BAIAP2: variants seen among roughly 807,000 people sequenced by gnomAD.
BAIAP2 encodes the protein BAR/IMD domain-containing adapter protein 2.
Under a neutral mutation model 63.0 loss-of-function variants are expected in BAIAP2, and 18 were observed. The ratio of observed to expected loss-of-function variants is 0.29; its 90% CI spans 0.20 to 0.42. The LOEUF (loss-of-function observed/expected upper bound fraction) is 0.42. Among genes scored for constraint, BAIAP2 ranks in the 10% least tolerant of loss-of-function variants. The pLI is 1.00. For synonymous variants in BAIAP2, 386 were observed against 307.6 expected (o/e 1.25, Z -2.67); for missense variants, 610 against 734.3 (o/e 0.83, Z 1.96).
intron 2 of BAIAP2, among the ~76,000 whole-genome samples, chr17:81,054,521 C>A (rs1040958017): frequency 6.6e-6 from 1 of 152,156 alleles, no homozygotes. Context: ...CCTGCCTGTG[C>A]GGGCTGCTCT....
In BAIAP2 at chr17:81,102,163, G is replaced by A. The variant is rs373989496; in HGVS notation, c.643-1339G>A. Among the ~76,000 whole-genome samples, 526 of 114,498 alleles carry A rather than the reference G, an allele frequency of 4.6e-3. 8 individuals are homozygous for A. The South Asian group carries it at 0.047, about 10-fold the overall frequency. The allele number at this position is 114,498 out of a possible 152,430, so 75.1% of individuals were successfully genotyped here. ...GTGTCCCACAGACCCACTTAGAGAC[G>A]AGCCTCTGGGCTGGGGGCCAGGGTG... On this transcript the variant is annotated intron_variant, in intron 7 of 13. Transcript: ENST00000428708.
intron 3 of BAIAP2, among the ~76,000 whole-genome samples, chr17:81,065,048 C>A (rs906021532): frequency 9.2e-5 from 14 of 152,222 alleles, no homozygotes; most frequent in Admixed American, 5.2e-4. Flanking sequence ...CCGGGGCACA[C>A]CCACTGCTCT....
At chr17:81,103,016 G>A (rs1269862687) in intron 7 of BAIAP2, among the ~76,000 whole-genome samples, 6 of 152,328 alleles carry the variant, frequency 3.9e-5, no homozygotes, top group East Asian at 3.9e-4. Context: ...CCGAGGGAGC[G>A]CGGGCTCTTG....
intron 1 of BAIAP2, among the ~76,000 whole-genome samples, chr17:81,041,138 C>A (rs1459361541): frequency 6.6e-6 from 1 of 152,254 alleles, no homozygotes; most frequent in Non-Finnish European, 1.5e-5. Flanking sequence ...GGTTTGGTCA[C>A]CCCTGAGCTT....
intron 13 of BAIAP2, chr17:81,110,647 C>A: frequency 7.4e-7 from 1 of 1,351,584 alleles, no homozygotes; most frequent in Non-Finnish European, 9.6e-7. Flanking sequence ...GCACACGGTG[C>A]TGGCCCCAGT....
At chr17:81,077,160 G>A (rs1019463498) in intron 3 of BAIAP2, among the ~76,000 whole-genome samples, 2 of 152,196 alleles carry the variant, frequency 1.3e-5, no homozygotes, top group African/African-American at 4.8e-5. Flanking sequence ...CCTGGTGGGC[G>A]TGGGTTTCTC....
At chr17:81,043,894 C>T (rs2047431604) in intron 1 of BAIAP2, among the ~76,000 whole-genome samples, 1 of 152,390 alleles carries the variant, frequency 6.6e-6, no homozygotes, top group Non-Finnish European at 1.5e-5. Context: ...CGCGGGGTCT[C>T]TGTTTTCTCA....
At chr17:81,047,756 G>A (rs1446660950) in intron 1 of BAIAP2, among the ~76,000 whole-genome samples, 1 of 151,672 alleles carries the variant, frequency 6.6e-6, no homozygotes, top group African/African-American at 2.4e-5. Context: ...TAAACATGCA[G>A]CTCATGCCCA....
chr17:81,054,784 G>T (rs2049197731), intron 2 of BAIAP2, among the ~76,000 whole-genome samples: 1 of 152,144 alleles, frequency 6.6e-6, no homozygotes, highest in African/African-American at 2.4e-5. Flanking sequence ...ACCCCACCCA[G>T]GCACTCCACT....
rs1325675109 is a variant in BAIAP2 at position 81,116,935 on chromosome 17, G to C, written c.*1096G>C. Reference sequence around the variant, plus strand: ...CCAGCGGAGGGTGCAGGGAAGCCCAGCTGTGCTCAACTCTCCTGCCTCCGC... The same window carrying C: ...CCAGCGGAGGGTGCAGGGAAGCCCACCTGTGCTCAACTCTCCTGCCTCCGC... On this transcript the variant is annotated 3_prime_UTR_variant, in exon 14 of 14. Coordinates refer to ENST00000428708, the MANE Select transcript of BAIAP2 (RefSeq NM_001144888.2). 6.5e-6 allele frequency: 1 copy of C among 152,970 alleles called. No individual in the cohort carries two copies. Among genetic ancestry groups the C allele is most frequent in the Non-Finnish European group, 1.5e-5 (1 of 68,552 alleles). The allele number at this position is 152,970 out of a possible 1,614,324, so 9.5% of individuals were successfully genotyped here. A position where few individuals can be genotyped will look rare whatever the true frequency, so the allele number is the denominator to read the frequency against.
At chr17:81,082,244 C>T (rs866279460) in intron 3 of BAIAP2, among the ~76,000 whole-genome samples, 65 of 152,334 alleles carry the variant, frequency 4.3e-4, no homozygotes, top group Non-Finnish European at 6.0e-4. Flanking sequence ...CGCATAAGCA[C>T]ACCCGTGTAC....
At chr17:81,070,660 C>T (rs374281351) in intron 3 of BAIAP2, among the ~76,000 whole-genome samples, 5 of 152,132 alleles carry the variant, frequency 3.3e-5, no homozygotes, top group African/African-American at 9.7e-5. Context: ...GAGAAGGTGT[C>T]GGGTTAGCTC....
At chr17:81,055,574 G>GTTTTTTGTTTTTTTTTGTTTTTTTT (rs370775327) in intron 2 of BAIAP2, among the ~76,000 whole-genome samples, 1 of 123,404 alleles carries the variant, frequency 8.1e-6, no homozygotes, top group Non-Finnish European at 1.7e-5. Flanking sequence ...AGGGTGTTTT[G>GTTTTTTGTTTTTTTTTGTTTTTTTT]TTTTTTTTTG....
chr17:81,048,360 A>G (rs2048146138), intron 1 of BAIAP2, among the ~76,000 whole-genome samples: 1 of 115,618 alleles, frequency 8.6e-6, no homozygotes, highest in East Asian at 2.3e-4. Flanking sequence ...CTGTCTCAAA[A>G]AAAAAAAAAA....
At chr17:81,068,993 G>A (rs79676014) in intron 3 of BAIAP2, among the ~76,000 whole-genome samples, 4,590 of 152,200 alleles carry the variant, frequency 0.03, 89 homozygotes, top group Middle Eastern at 0.13. Context: ...ACTGGGCCCC[G>A]TAGAAACAGA....
intron 6 of BAIAP2, among the ~76,000 whole-genome samples, chr17:81,093,179 G>A (rs1454929584): frequency 1.3e-5 from 2 of 152,032 alleles, no homozygotes; most frequent in Non-Finnish European, 2.9e-5. Flanking sequence ...CCCGCTGGAT[G>A]CAACTTGTCC....
At chr17:81,053,865 G>A in intron 2 of BAIAP2, 122 bp downstream of exon 2, 2 of 589,514 alleles carry the variant, frequency 3.4e-6, no homozygotes, top group Non-Finnish European at 5.9e-6. Flanking sequence ...GGCCCCGTGG[G>A]GTGGGAGCTG....
chr17:81,089,397 G>A (rs1403768485), intron 6 of BAIAP2, among the ~76,000 whole-genome samples: 1 of 152,248 alleles, frequency 6.6e-6, no homozygotes, highest in Non-Finnish European at 1.5e-5. Context: ...CCTTGGCCCT[G>A]CCTCAGTGCT....
chr17:81,092,883 C>T (rs1298293119), intron 6 of BAIAP2, among the ~76,000 whole-genome samples: 5 of 152,182 alleles, frequency 3.3e-5, no homozygotes, highest in South Asian at 4.1e-4. Flanking sequence ...GTCCGCGGGG[C>T]GTGGTCACAG....
Sources: allele counts gnomAD v4.1 joint callset (sites outside exome capture counted in the v4.1 genomes callset), GRCh38; gene constraint gnomAD v4.1.1; transcripts MANE v1.5; gene names NCBI Gene and HGNC (gene_info 2026-07-23, HGNC 2026-07-21).